The following GALK2 variants were observed in gnomAD, a reference collection of about 807,000 sequenced individuals.
GALK2 encodes N-acetylgalactosamine kinase.
GALK2 carries 36 observed loss-of-function variants against 52.4 expected under a neutral mutation model. That is an observed-to-expected ratio of 0.69 (90% confidence interval 0.53 to 0.91). GALK2 has a LOEUF of 0.91. Ranked by LOEUF, GALK2 falls within the 40% of genes least tolerant of loss-of-function variation. The pLI, the probability that GALK2 is intolerant of heterozygous loss-of-function variation, is 0.00. For synonymous variants in GALK2, 176 were observed against 199.1 expected (o/e 0.88, Z 0.98); for missense variants, 579 against 559.1 (o/e 1.04, Z -0.36).
chr15:49,239,013 T>C (rs1221332498), intron 4 of GALK2, among the ~76,000 whole-genome samples: 1 of 151,862 alleles, frequency 6.6e-6, no homozygotes, highest in African/African-American at 2.4e-5. Flanking sequence ...GCAAGAAAAT[T>C]AAAGGCATTT....
At chr15:49,194,508 G>T (rs1427756214) in intron 1 of GALK2, among the ~76,000 whole-genome samples, 2 of 151,580 alleles carry the variant, frequency 1.3e-5, no homozygotes, top group Admixed American at 6.6e-5. Flanking sequence ...GTTTGGTAAG[G>T]TTACTCCTCT....
At chr15:49,243,279 G>A (rs2091187334) in intron 5 of GALK2, among the ~76,000 whole-genome samples, 2 of 152,144 alleles carry the variant, frequency 1.3e-5, no homozygotes, top group Admixed American at 1.3e-4. Flanking sequence ...ACTGAGAAAG[G>A]CAGGACGAGA....
At chr15:49,366,196 T>C in intron 3 of GALK2, 1 of 804,080 alleles carries the variant, frequency 1.2e-6, no homozygotes, top group South Asian at 1.3e-5. Flanking sequence ...TAGGCCACGA[T>C]GGAGAACACA....
intron 3 of GALK2, among the ~76,000 whole-genome samples, chr15:49,228,404 A>C (rs1400746251): frequency 4.6e-5 from 7 of 150,854 alleles, no homozygotes; most frequent in South Asian, 2.1e-4. Context: ...AGGTTTTTTC[A>C]TTCTCTCTTA....
At chr15:49,232,262 C>T (rs2090543365) in intron 3 of GALK2, among the ~76,000 whole-genome samples, 1 of 152,196 alleles carries the variant, frequency 6.6e-6, no homozygotes, top group African/African-American at 2.4e-5. Flanking sequence ...AAGCAGCAGC[C>T]TGAGCTGTAT....
In GALK2 at chr15:49,183,305, A is replaced by G. The variant is rs2086109265; in HGVS notation, c.53+12930A>G. Among the ~76,000 whole-genome samples the G allele has an allele frequency of 2.0e-5, 3 of 152,080 alleles. No homozygotes were observed. The South Asian group carries it at 6.2e-4, about 32-fold the overall frequency. On this transcript the variant is annotated intron_variant, in intron 1 of 9. Coordinates refer to ENST00000560031, the MANE Select transcript of GALK2 (RefSeq NM_002044.4). ...TTTTGACATGGGCATTTATTTCTAT[A>G]AACTTTTCTCTTAGCATTCCATCAC... is the stretch of plus-strand genomic sequence containing the variant.
intron 1 of GALK2, among the ~76,000 whole-genome samples, chr15:49,186,861 T>C (rs1035423234): frequency 1.1e-4 from 17 of 152,320 alleles, no homozygotes; most frequent in African/African-American, 3.6e-4. Flanking sequence ...TTGTTGAGCT[T>C]CCTCAAAACA....
intron 2 of GALK2, 59 bp from the exon 3 acceptor site, chr15:49,217,131 T>C (rs2089443730): frequency 6.7e-7 from 1 of 1,490,532 alleles, no homozygotes; most frequent in Non-Finnish European, 9.2e-7. Flanking sequence ...GTAAACTTTC[T>C]TGAGGTGCTT....
chr15:49,366,425 G>T, intron 3 of GALK2: 1 of 880,058 alleles, frequency 1.1e-6, no homozygotes, highest in Non-Finnish European at 2.0e-6. Context: ...CACCACAACT[G>T]CTTTGTTCTT....
intron 3 of GALK2, among the ~76,000 whole-genome samples, chr15:49,345,262 CTT>C (rs990510412): frequency 6.6e-6 from 1 of 152,080 alleles, no homozygotes; most frequent in Non-Finnish European, 1.5e-5. Flanking sequence ...GAACATATGA[CTT>C]TATTGAAATG....
intron 1 of GALK2, among the ~76,000 whole-genome samples, chr15:49,181,964 C>A (rs963789948): frequency 6.6e-6 from 1 of 152,022 alleles, no homozygotes; most frequent in Non-Finnish European, 1.5e-5. Flanking sequence ...GTATGCATCA[C>A]CTCAAGCATT....
intron 8 of GALK2, among the ~76,000 whole-genome samples, chr15:49,294,687 T>A (rs1314458886): frequency 1.3e-5 from 2 of 152,212 alleles, no homozygotes. Flanking sequence ...TTATAGTGAC[T>A]TAGTGTCTAA....
At chr15:49,217,437 A>G in intron 3 of GALK2, 124 bp downstream of exon 3, 1 of 967,208 alleles carries the variant, frequency 1.0e-6, no homozygotes, top group Non-Finnish European at 1.5e-6. Flanking sequence ...GTCTGACATT[A>G]AAAAAATTCT....
In GALK2 at chr15:49,283,527, T is replaced by A. The variant is rs763375653; in HGVS notation, c.604-39T>A. 3.3e-6 allele frequency: 5 copies of A among 1,531,406 alleles called. No homozygotes were observed. The Admixed American group carries it at 7.2e-5, about 22-fold the overall frequency. The allele number at this position is 1,531,406 out of a possible 1,614,324, so 94.9% of individuals were successfully genotyped here. On this transcript the variant is annotated intron_variant, in intron 6 of 9. Transcript: ENST00000560031. Reference sequence around the variant, plus strand: ...AAACACTTGAACATTTTCTGCATTCTAATAAATTATATTTCTCCTTTCATT... The same window carrying A: ...AAACACTTGAACATTTTCTGCATTCAAATAAATTATATTTCTCCTTTCATT...
At chr15:49,272,795 T>C (rs980859360) in intron 5 of GALK2, among the ~76,000 whole-genome samples, 8 of 152,152 alleles carry the variant, frequency 5.3e-5, no homozygotes, top group African/African-American at 1.7e-4. Context: ...AGGATTCCCA[T>C]GGGCCTAGGA....
At chr15:49,175,629 C>G (rs1245211396) in intron 1 of GALK2, among the ~76,000 whole-genome samples, 1 of 152,054 alleles carries the variant, frequency 6.6e-6, no homozygotes, top group Admixed American at 6.6e-5. Context: ...AGAAAAATAG[C>G]TCTGAGCCAT....
At chr15:49,281,165 G>A (rs1045893852) in intron 5 of GALK2, among the ~76,000 whole-genome samples, 3 of 152,162 alleles carry the variant, frequency 2.0e-5, no homozygotes, top group Non-Finnish European at 4.4e-5. Context: ...TCAGCCCAGG[G>A]ATTTATCTAT....
chr15:49,234,015 T>G, intron 3 of GALK2, among the ~76,000 whole-genome samples: 1 of 152,332 alleles, frequency 6.6e-6, no homozygotes, highest in South Asian at 2.1e-4. Flanking sequence ...TTAAAAGAGA[T>G]AATGTATCCA....
intron 3 of GALK2, among the ~76,000 whole-genome samples, chr15:49,352,289 A>G (rs1398222775): frequency 1.3e-5 from 2 of 152,254 alleles, no homozygotes; most frequent in Non-Finnish European, 2.9e-5. Context: ...GAATTACAAA[A>G]GACTGTTCAA....
Sources: gnomAD v4.1 joint callset for allele counts (sites outside exome capture counted in the v4.1 genomes callset) on GRCh38, gnomAD v4.1.1 for gene constraint, MANE v1.5 for transcripts, NCBI Gene and HGNC (gene_info 2026-07-23, HGNC 2026-07-21) for gene names.